CHEK2: variants seen among roughly 807,000 people sequenced by gnomAD.
CHEK2 encodes the protein serine/threonine-protein kinase Chk2.
Under a neutral mutation model 69.1 loss-of-function variants are expected in CHEK2, and 71 were observed. That is an observed-to-expected ratio of 1.03 (90% CI 0.85 to 1.25). The LOEUF (loss-of-function observed/expected upper bound fraction) is 1.25. Among genes scored for constraint, CHEK2 ranks in the 50% most tolerant of loss-of-function variants. CHEK2 has a pLI of 0.00. For synonymous variants in CHEK2, 189 were observed against 226.9 expected, an observed-to-expected ratio of 0.83 and a Z score of 1.50; for missense variants, 664 against 649.6, an observed-to-expected ratio of 1.02 and a Z score of -0.24.
Position 28,739,141 on chromosome 22 carries a change from G to A in CHEK2, c.-7+2628C>T, listed in dbSNP as rs776595326. On this transcript the variant is annotated intron_variant, in intron 1 of 14. Transcript: ENST00000404276. ...AAAAATTAGCTGGGCATGGTGGCCCGTGCCTGTAATCCCAGCTACTTGGTA... is the reference window on the plus strand; with the variant it reads ...AAAAATTAGCTGGGCATGGTGGCCCATGCCTGTAATCCCAGCTACTTGGTA... Among the ~76,000 whole-genome samples, 6 of 151,950 alleles carry A rather than the reference G, an allele frequency of 3.9e-5. 1 individual carries two copies. Among genetic ancestry groups the A allele is most frequent in the Admixed American group, 1.3e-4 (2 of 15,216 alleles).
intron 6 of CHEK2, 98 bp downstream of exon 6, chr22:28,711,811 G>T: frequency 1.2e-6 from 1 of 856,524 alleles, no homozygotes; most frequent in Non-Finnish European, 2.0e-6. Flanking sequence ...TCTAAGCAGG[G>T]GGTTATTCCT....
At chr22:28,696,344 A>G (rs995246878) in intron 10 of CHEK2, among the ~76,000 whole-genome samples, 3 of 152,228 alleles carry the variant, frequency 2.0e-5, no homozygotes, top group Non-Finnish European at 4.4e-5. Context: ...CTTGAGAAAC[A>G]GGGAAAGGCA....
chr22:28,708,503 C>A (rs1281893789), intron 7 of CHEK2, among the ~76,000 whole-genome samples: 1 of 151,614 alleles, frequency 6.6e-6, no homozygotes, highest in Non-Finnish European at 1.5e-5. Context: ...GGAAGGTCAG[C>A]CACTCAGGTT....
intron 2 of CHEK2, among the ~76,000 whole-genome samples, chr22:28,726,091 T>C (rs2054001389): frequency 6.6e-6 from 1 of 151,588 alleles, no homozygotes; most frequent in African/African-American, 2.4e-5. Context: ...GTAATCCCAG[T>C]TACTCGGGAA....
chr22:28,694,628 A>G (rs772961001), intron 12 of CHEK2, among the ~76,000 whole-genome samples: 45 of 152,220 alleles, frequency 3.0e-4, no homozygotes, highest in Non-Finnish European at 5.6e-4. Flanking sequence ...ACAATCACCT[A>G]TGTTATGTTA....
At chr22:28,715,890 T>C (rs2053570567) in intron 5 of CHEK2, among the ~76,000 whole-genome samples, 1 of 150,370 alleles carries the variant, frequency 6.7e-6, no homozygotes, top group Admixed American at 6.6e-5. Flanking sequence ...TCCCGAGACA[T>C]TGTCTCACTC....
intron 1 of CHEK2, among the ~76,000 whole-genome samples, chr22:28,740,483 C>T (rs1311913344): frequency 6.6e-6 from 1 of 152,196 alleles, no homozygotes; most frequent in Non-Finnish European, 1.5e-5. Flanking sequence ...TTGATAACCA[C>T]TTTCCCTATC....
Position 28,734,570 on chromosome 22 carries a change from T to A in CHEK2, c.152A>T (p.Gln51Leu). Reference protein sequence around the residue: ...SSTSTMPNSSQSSHSSSGTLS... With the variant: ...SSTSTMPNSSLSSHSSSGTLS... ...TGTCCCAGAGCTGGAGTGAGAGGAC[T>A]GGCTGGAGTTTGGCATCGTGCTGGT... The change falls in exon 2 of 15, where the codon CAG (glutamine) becomes CTG (leucine). Residue 51 changes from glutamine to leucine, a missense_variant. Gln to Leu is a moderately radical substitution (Grantham distance 113). Transcript: ENST00000404276. The A allele has an allele frequency of 6.2e-7, 1 of 1,613,910 alleles. No individual in the cohort carries two copies. The highest frequency in any genetic ancestry group is 8.5e-7 in the Non-Finnish European group (1 of 1,179,996).
chr22:28,701,031 T>C (rs912082542), intron 8 of CHEK2, among the ~76,000 whole-genome samples: 1 of 151,692 alleles, frequency 6.6e-6, no homozygotes, highest in Admixed American at 6.6e-5. Flanking sequence ...TCAGGTGATC[T>C]GCTCCCCTCG....
At chr22:28,690,623 G>A (rs1417605805) in intron 13 of CHEK2, among the ~76,000 whole-genome samples, 1 of 132,144 alleles carries the variant, frequency 7.6e-6, no homozygotes, top group African/African-American at 3.0e-5. Flanking sequence ...GTACAACACT[G>A]TCTCCAAAAA....
chr22:28,709,677 C>T (rs576761793), intron 7 of CHEK2, among the ~76,000 whole-genome samples: 6 of 152,112 alleles, frequency 3.9e-5, no homozygotes, highest in South Asian at 4.2e-4. Flanking sequence ...AGTGCAGTGG[C>T]GCGATCTTGG....
chr22:28,712,643 C>T (rs1052124289), intron 5 of CHEK2, among the ~76,000 whole-genome samples: 1 of 152,162 alleles, frequency 6.6e-6, no homozygotes, highest in African/African-American at 2.4e-5. Context: ...TTACCCAGAA[C>T]ACAGTTAATC....
In CHEK2 at chr22:28,734,835, A is replaced by C. The variant is rs140357460; in HGVS notation, c.-6-108T>G. ...AACAGCAAAAGAAAAGAAAAAAAAA[A>C]AAACAGGGCAAACATGCTCTCCAAA... On this transcript the variant is annotated intron_variant, in intron 1 of 14. Transcript: ENST00000404276. 4.6e-4 allele frequency: 414 copies of C among 903,024 alleles called. 3 individuals are homozygous for C. The highest frequency in any genetic ancestry group is 2.4e-3 in the African/African-American group (139 of 58,974). 55.9% of individuals were successfully genotyped at this position (903,024 alleles called of 1,614,324 possible).
rs763892124 is a variant in CHEK2, at chr22:28,711,985, T to C, written c.716A>G (p.Glu239Gly). ...GGCTACTTTCTTACATGTTTTCCTC[T>C]CGAAAGCCAGCTTTACCTCTCCACA... The part of the protein sequence containing the change: ...GACGEVKLAF[E>G]RKTCKKVAIK... The change falls in exon 6 of 15, where the codon GAG becomes GGG. Residue 239 changes from glutamate to glycine, a missense_variant. Physicochemically the swap from Glu to Gly is moderately conservative, Grantham distance 98. Coordinates refer to ENST00000404276, the MANE Select transcript of CHEK2 (RefSeq NM_007194.4). The C allele has an allele frequency of 1.9e-6, 3 of 1,613,746 alleles. No individual in the cohort carries two copies. The highest frequency in any genetic ancestry group is 1.1e-5 in the South Asian group (1 of 91,072).
At chr22:28,711,440 T>C (rs906993806) in intron 6 of CHEK2, among the ~76,000 whole-genome samples, 3 of 152,152 alleles carry the variant, frequency 2.0e-5, no homozygotes, top group African/African-American at 4.8e-5. Context: ...CAAAAGTCTA[T>C]GCTATAATGC....
chr22:28,732,177 T>C (rs2054238560), intron 2 of CHEK2, among the ~76,000 whole-genome samples: 2 of 151,974 alleles, frequency 1.3e-5, no homozygotes, highest in African/African-American at 4.8e-5. Flanking sequence ...AATGGCGAGA[T>C]CTCGGTTCAC....
intron 7 of CHEK2, among the ~76,000 whole-genome samples, chr22:28,706,298 TCACACACACACACACACACA>T (rs113795955): frequency 1.4e-5 from 2 of 147,880 alleles, no homozygotes; most frequent in African/African-American, 5.0e-5. Flanking sequence ...ACACTCCAGC[TCACACACACACACACACACA>T]CACACACACA....
chr22:28,734,752 A>C (rs1459337969), intron 1 of CHEK2, 25 bp from the exon 2 acceptor site: 1 of 1,604,228 alleles, frequency 6.2e-7, no homozygotes, highest in Middle Eastern at 1.7e-4. Context: ...GTCCAACAAC[A>C]AAGGTGAGTT....
intron 4 of CHEK2, among the ~76,000 whole-genome samples, chr22:28,720,280 G>A (rs377633145): frequency 7.3e-5 from 11 of 151,156 alleles, no homozygotes; most frequent in South Asian, 2.1e-4. Flanking sequence ...TAGTAGAGAC[G>A]GGATTTTACC....
Sources: gnomAD v4.1 joint callset for allele counts (sites outside exome capture counted in the v4.1 genomes callset) on GRCh38, gnomAD v4.1.1 for gene constraint, MANE v1.5 for transcripts, NCBI Gene and HGNC (gene_info 2026-07-23, HGNC 2026-07-21) for gene names.